KCNMB2: variants seen among roughly 807,000 people sequenced by gnomAD.
KCNMB2 encodes calcium-activated potassium channel subunit beta-2.
In KCNMB2, 9 loss-of-function variants were observed where a neutral mutation model predicts 24.5. The ratio of observed to expected loss-of-function variants is 0.37; its 90% CI spans 0.22 to 0.64. The LOEUF (loss-of-function observed/expected upper bound fraction) is 0.64. Among genes scored for constraint, KCNMB2 ranks in the 30% least tolerant of loss-of-function variants. The pLI is 0.63. For missense variants in KCNMB2, 226 were observed against 284.3 expected, an observed-to-expected ratio of 0.79 and a Z score of 1.47; for synonymous variants, 109 against 104.4, an observed-to-expected ratio of 1.04 and a Z score of -0.27.
At chr3:178,645,045 A>ATTTT (rs10576689) in intron 1 of KCNMB2, among the ~76,000 whole-genome samples, 5 of 92,448 alleles carry the variant, frequency 5.4e-5, no homozygotes, top group African/African-American at 9.6e-5. Context: ...AAGATCCAAG[A>ATTTT]TTTTTTTTTT....
chr3:178,779,354 T>C (rs1400736499), intron 1 of KCNMB2, among the ~76,000 whole-genome samples: 2 of 152,204 alleles, frequency 1.3e-5, no homozygotes, highest in African/African-American at 4.8e-5. Flanking sequence ...CAAAAATCTT[T>C]TTTGGGTTTA....
intron 1 of KCNMB2, among the ~76,000 whole-genome samples, chr3:178,751,881 A>C (rs950802636): frequency 1.1e-4 from 16 of 152,252 alleles, no homozygotes; most frequent in African/African-American, 3.9e-4. Context: ...TGCTTTGCAG[A>C]TGTTACTTCT....
intron 3 of KCNMB2, 93 bp from the exon 4 acceptor site, chr3:178,828,085 C>A: frequency 1.0e-6 from 1 of 975,566 alleles, no homozygotes; most frequent in Non-Finnish European, 1.6e-6. Context: ...AAAGATTTTT[C>A]AGCTTCAGGA....
At chr3:178,813,983 T>C (rs764455141) in intron 2 of KCNMB2, among the ~76,000 whole-genome samples, 32 of 127,416 alleles carry the variant, frequency 2.5e-4, no homozygotes, top group East Asian at 7.8e-4. Flanking sequence ...GTTGTTGTTG[T>C]TGCTGCTGCT....
intron 1 of KCNMB2, among the ~76,000 whole-genome samples, chr3:178,675,374 G>A (rs763812549): frequency 9.2e-5 from 14 of 152,128 alleles, no homozygotes; most frequent in South Asian, 2.1e-4. Flanking sequence ...ACCAGTTACC[G>A]TGTTTCTGAG....
intron 1 of KCNMB2, among the ~76,000 whole-genome samples, chr3:178,794,147 A>C (rs1311832857): frequency 6.6e-6 from 1 of 152,158 alleles, no homozygotes; most frequent in Non-Finnish European, 1.5e-5. Context: ...CCTTTGCAGA[A>C]CACCACCAAC....
At chr3:178,748,037 A>C (rs1286327548) in intron 1 of KCNMB2, among the ~76,000 whole-genome samples, 1 of 152,148 alleles carries the variant, frequency 6.6e-6, no homozygotes, top group Admixed American at 6.5e-5. Context: ...GACTAACCCA[A>C]CTTCATTCCA....
At chr3:178,696,114 G>C (rs1029309934) in intron 1 of KCNMB2, among the ~76,000 whole-genome samples, 2 of 152,214 alleles carry the variant, frequency 1.3e-5, no homozygotes, top group African/African-American at 4.8e-5. Context: ...TCATATGGCA[G>C]CAGGAAGGAG....
intron 1 of KCNMB2, among the ~76,000 whole-genome samples, chr3:178,702,383 T>C (rs1722131991): frequency 6.6e-6 from 1 of 151,766 alleles, no homozygotes; most frequent in Admixed American, 6.6e-5. Flanking sequence ...TATACATATG[T>C]AACAAACCTG....
Position 178,670,800 on chromosome 3 carries a change from C to T in KCNMB2, c.-68+134089C>T, listed in dbSNP as rs556368677. Reference sequence around the variant, plus strand: ...ATTCTGCTACAGAGGAAGCTGAAGCCGGGAGAGGTGATGTGATTTGTCCAA... The same window carrying T: ...ATTCTGCTACAGAGGAAGCTGAAGCTGGGAGAGGTGATGTGATTTGTCCAA... On this transcript the variant is annotated intron_variant, in intron 1 of 4. Coordinates refer to ENST00000452583, the MANE Select transcript of KCNMB2 (RefSeq NM_181361.3). Among the ~76,000 whole-genome samples, 9 of 152,124 alleles carry T rather than the reference C, an allele frequency of 5.9e-5. No individual in the cohort carries two copies. In the South Asian group the frequency reaches 1.2e-3, roughly 21 times the overall value.
intron 1 of KCNMB2, among the ~76,000 whole-genome samples, chr3:178,622,857 A>AT (rs1241889824): frequency 3.9e-5 from 6 of 152,048 alleles, no homozygotes; most frequent in Admixed American, 2.0e-4. Context: ...TGGGACACTG[A>AT]TTTTTTTTGG....
chr3:178,719,741 A>T (rs1722732596), intron 1 of KCNMB2, among the ~76,000 whole-genome samples: 1 of 152,186 alleles, frequency 6.6e-6, no homozygotes, highest in Non-Finnish European at 1.5e-5. Flanking sequence ...AATAACATAC[A>T]GTAAAATTGA....
chr3:178,541,790 A>C (rs1715627504), intron 1 of KCNMB2, among the ~76,000 whole-genome samples: 1 of 152,200 alleles, frequency 6.6e-6, no homozygotes, highest in Non-Finnish European at 1.5e-5. Flanking sequence ...TCAAAGAATT[A>C]ATATCAGTAT....
At chr3:178,841,417 A>T (rs1715423186) in intron 4 of KCNMB2, 1 of 152,230 alleles carries the variant, frequency 6.6e-6, no homozygotes, top group Admixed American at 6.5e-5. Flanking sequence ...CCACATTTTC[A>T]AGTTATCTTT....
At chr3:178,768,065 T>C (rs1274711898) in intron 1 of KCNMB2, among the ~76,000 whole-genome samples, 3 of 152,108 alleles carry the variant, frequency 2.0e-5, no homozygotes, top group South Asian at 4.1e-4. Flanking sequence ...CTACCTACTA[T>C]GTGCAGACAG....
At chr3:178,760,925 T>G (rs975322148) in intron 1 of KCNMB2, among the ~76,000 whole-genome samples, 5 of 152,160 alleles carry the variant, frequency 3.3e-5, no homozygotes, top group African/African-American at 1.2e-4. Context: ...TGATCAAAAT[T>G]TTATCTAATA....
In KCNMB2 at chr3:178,574,198, A is replaced by G. The variant is rs186662783; in HGVS notation, c.-68+37487A>G. Among the ~76,000 whole-genome samples, 676 of 152,230 alleles carry G rather than the reference A, an allele frequency of 4.4e-3. 3 individuals carry two copies. Among genetic ancestry groups the G allele is most frequent in the African/African-American group, 0.015 (631 of 41,540 alleles). ...CCAAGGAAACACACCTCTTGCCCCA[A>G]ACAAGGAGATGTTAGGTAGTGCAGG... is the stretch of plus-strand genomic sequence containing the variant. On this transcript the variant is annotated intron_variant, in intron 1 of 4. Coordinates refer to ENST00000452583, the MANE Select transcript of KCNMB2 (RefSeq NM_181361.3).
intron 1 of KCNMB2, among the ~76,000 whole-genome samples, chr3:178,752,925 G>A (rs960931465): frequency 6.6e-6 from 1 of 152,142 alleles, no homozygotes; most frequent in African/African-American, 2.4e-5. Context: ...ACTGTGGGTT[G>A]GGGCTAGTAA....
intron 1 of KCNMB2, among the ~76,000 whole-genome samples, chr3:178,718,596 G>T (rs1722695384): frequency 6.6e-6 from 1 of 152,128 alleles, no homozygotes. Context: ...TCAGTTTCTT[G>T]GTTTGATATC....
Sources: gnomAD v4.1 joint callset for allele counts (sites outside exome capture counted in the v4.1 genomes callset) on GRCh38, gnomAD v4.1.1 for gene constraint, MANE v1.5 for transcripts, NCBI Gene and HGNC (gene_info 2026-07-23, HGNC 2026-07-21) for gene names.